Variants in NID2 observed in about 807,000 individuals in gnomAD.
NID2 encodes nidogen 2.
A neutral mutation model predicts 145.4 loss-of-function variants in NID2; 83 were observed. The ratio of observed to expected loss-of-function variants is 0.57; its 90% confidence interval spans 0.48 to 0.69. NID2 has a LOEUF of 0.69. Ranked by LOEUF, NID2 falls within the 30% of genes least tolerant of loss-of-function variation. The pLI is 0.00. For missense variants in NID2, 1,807 were observed against 1,765.7 expected (o/e 1.02, Z -0.42); for synonymous variants, 739 against 701.3 (o/e 1.05, Z -0.85).
rs745695416 is a variant in NID2 at position 52,005,733 on chromosome 14, T to C, written c.4117+4A>G. 52 of 1,608,010 alleles carry C rather than the reference T, an allele frequency of 3.2e-5. No homozygotes were observed. The highest frequency in any genetic ancestry group is 4.3e-5 in the Non-Finnish European group (50 of 1,174,560). On this transcript the variant is annotated splice_donor_region_variant and intron_variant, in intron 21 of 21. Coordinates refer to ENST00000216286, the MANE Select transcript of NID2 (RefSeq NM_007361.4). ...AAAGGAGCATCCTAAAGCATACTTT[T>C]TACCTGTTGGGCAGTAGGGGTAGAC...
At chr14:52,013,903 A>C (rs6572807) in intron 16 of NID2, among the ~76,000 whole-genome samples, 1 of 152,078 alleles carries the variant, frequency 6.6e-6, no homozygotes, top group African/African-American at 2.4e-5. Context: ...CCTTGTGACT[A>C]GTTGTCCTGT....
rs891155058 is a variant in NID2, at chr14:52,046,851, T to C, written c.1430-3920A>G. Among the ~76,000 whole-genome samples the C allele has an allele frequency of 3.3e-5, 5 of 152,320 alleles. 1 individual carries two copies. The South Asian group carries it at 1.0e-3, about 32-fold the overall frequency. Reference sequence around the variant, plus strand: ...CTGAGCCAAGAACACACACTGTCTCTTTCAGCTTCATAACAGCCACATGAA... The same window carrying C: ...CTGAGCCAAGAACACACACTGTCTCCTTCAGCTTCATAACAGCCACATGAA... On this transcript the variant is annotated intron_variant, in intron 5 of 21. Transcript: ENST00000216286.
At chr14:52,028,614 A>G (rs1183390416) in intron 11 of NID2, 108 bp downstream of exon 11, 3 of 1,256,710 alleles carry the variant, frequency 2.4e-6, no homozygotes, top group Non-Finnish European at 3.3e-6. Context: ...TCTTAAGAAA[A>G]CCATATAGCA....
Position 52,054,174 on chromosome 14 carries a change from G to A in NID2, c.915C>T (p.Ala305=), listed in dbSNP as rs192601800. 17 of 1,614,084 alleles carry A rather than the reference G, an allele frequency of 1.1e-5. No homozygotes were observed. Among genetic ancestry groups the A allele is most frequent in the Middle Eastern group, 1.6e-4 (1 of 6,062 alleles). ...PLGRSFSHAT[A]LESDYNEDNL... is the part of the protein sequence containing the mutation. ...TGTCCTCATTATAGTCACTTTCCAGGGCTGTAGCATGGCTGAAGGAACGTC... is the reference window on the plus strand; with the variant it reads ...TGTCCTCATTATAGTCACTTTCCAGAGCTGTAGCATGGCTGAAGGAACGTC... The change falls in exon 4 of 22, where the codon GCC becomes GCT. Residue 305 remains alanine, a synonymous_variant. Transcript: ENST00000216286.
At chr14:52,035,617 G>T (rs755552441) in intron 9 of NID2, among the ~76,000 whole-genome samples, 3 of 151,924 alleles carry the variant, frequency 2.0e-5, no homozygotes, top group Non-Finnish European at 2.9e-5. Context: ...GGGATTACAG[G>T]TGTAAGCCAC....
chr14:52,039,894 A>G (rs1172921771), intron 8 of NID2, among the ~76,000 whole-genome samples: 1 of 152,128 alleles, frequency 6.6e-6, no homozygotes, highest in Non-Finnish European at 1.5e-5. Context: ...TTATCTTTTG[A>G]CTCCAAATCT....
chr14:52,067,410 C>T (rs1893256404), intron 2 of NID2, among the ~76,000 whole-genome samples: 1 of 152,130 alleles, frequency 6.6e-6, no homozygotes, highest in South Asian at 2.1e-4. Context: ...GAAGAAAAAA[C>T]TCTGAAAATG....
rs572458841 is a variant in NID2, at chr14:52,018,355, G to A, written c.3028+706C>T. ...AAAGAAACAAGTTTTACCTATCCCTGAATAATTCAACAAGGAACAGAAAGT... is the reference window on the plus strand; with the variant it reads ...AAAGAAACAAGTTTTACCTATCCCTAAATAATTCAACAAGGAACAGAAAGT... On this transcript the variant is annotated intron_variant, in intron 14 of 21. Transcript: ENST00000216286. Among the ~76,000 whole-genome samples, 27 of 152,264 alleles carry A rather than the reference G, an allele frequency of 1.8e-4. 1 individual carries two copies. Among genetic ancestry groups the A allele is most frequent in the African/African-American group, 6.5e-4 (27 of 41,532 alleles).
At position 52,020,333 on chromosome 14, in the gene NID2, C is replaced by T. The variant is rs369939496; in HGVS notation, c.2675-155G>A. 3 of 1,265,238 alleles carry T rather than the reference C, an allele frequency of 2.4e-6. No homozygotes were observed. The Admixed American group carries it at 8.6e-5, about 36-fold the overall frequency. 78.4% of individuals were successfully genotyped at this position (1,265,238 alleles called of 1,614,324 possible). On this transcript the variant is annotated intron_variant, in intron 12 of 21. Coordinates refer to ENST00000216286, the MANE Select transcript of NID2 (RefSeq NM_007361.4). ...AGCATGAGCAGAAAAATGCTGACAC[C>T]TAAAGGTAAGCTTAATAGAAAGGAA...
At position 52,015,116 on chromosome 14, in the gene NID2, CACCAG is replaced by C; in HGVS notation, c.3183_3187del (p.Cys1061TrpfsTer72). The stretch of plus-strand genomic sequence containing the variant: ...CACCTCTCTGCCATCTTTGTCCACA[CACCAG>C]CAGAAGTCGCTCTTTCCGTGGCACT... On this transcript the variant is annotated frameshift_variant, in exon 15 of 22. Transcript: ENST00000216286. LOFTEE classifies it high-confidence loss of function. 1 of 1,614,158 alleles carries C rather than the reference CACCAG, an allele frequency of 6.2e-7. No individual in the cohort carries two copies. Among genetic ancestry groups the C allele is most frequent in the Non-Finnish European group, 8.5e-7 (1 of 1,180,014 alleles).
At chr14:52,049,317 G>C (rs928706255) in intron 5 of NID2, among the ~76,000 whole-genome samples, 1 of 152,062 alleles carries the variant, frequency 6.6e-6, no homozygotes, top group Non-Finnish European at 1.5e-5. Context: ...CTAGGAGTTC[G>C]TAACAAAAAT....
intron 2 of NID2, among the ~76,000 whole-genome samples, chr14:52,065,290 A>G (rs914781505): frequency 3.9e-5 from 6 of 152,146 alleles, no homozygotes; most frequent in African/African-American, 1.4e-4. Context: ...TAAGAACGCC[A>G]TGTAGAACTC....
rs747032333 is a variant in NID2, at chr14:52,015,112, C to T, written c.3192G>A (p.Val1064=). The change falls in exon 15 of 22, where the codon GTG becomes GTA. Residue 1064 remains valine (V), a synonymous_variant. Transcript: ENST00000216286. ...CCTGCACCTCTCTGCCATCTTTGTC[C>T]ACACACCAGCAGAAGTCGCTCTTTC... The part of the protein sequence containing the change: ...CHGKSDFCWC[V]DKDGREVQGT... 2.5e-6 allele frequency: 4 copies of T among 1,614,156 alleles called. No individual in the cohort carries two copies. The Admixed American group carries it at 6.7e-5, about 27-fold the overall frequency.
At chr14:52,020,244 G>A (rs1891355022) in intron 12 of NID2, 66 bp from the exon 13 acceptor site, 10 of 1,597,596 alleles carry the variant, frequency 6.3e-6, no homozygotes, top group South Asian at 5.6e-5. Flanking sequence ...CAATCTGTGC[G>A]ACTGCATGGG....
chr14:52,017,692 G>A lies in NID2; in HGVS notation c.3028+1369C>T, dbSNP rs140233783. ...AGACATTTTCAAAGAGAAGGCATGA[G>A]GGAAATAGAATTTCTCTGTACCTTT... On this transcript the variant is annotated intron_variant, in intron 14 of 21. Coordinates refer to ENST00000216286, the MANE Select transcript of NID2 (RefSeq NM_007361.4). Among the ~76,000 whole-genome samples, 10 of 152,208 alleles carry A rather than the reference G, an allele frequency of 6.6e-5. No individual in the cohort carries two copies. In the East Asian group the frequency reaches 1.9e-3, roughly 29 times the overall value.
rs770544418 is a variant in NID2, at chr14:52,005,471, T to TTTACA, written c.*10_*14dup. Reference sequence around the variant, plus strand: ...TCTGATTGTAAACTCCAAGTCTTCCTTTACATTACTGTACTTACTTTCTTC... The same window carrying TTTACA: ...TCTGATTGTAAACTCCAAGTCTTCCTTTACATTACATTACTGTACTTACTTTCTTC... On this transcript the variant is annotated 3_prime_UTR_variant, in exon 22 of 22. Transcript: ENST00000216286. The TTTACA allele has an allele frequency of 1.4e-5, 22 of 1,587,230 alleles. No individual in the cohort carries two copies. Among genetic ancestry groups the TTTACA allele is most frequent in the Non-Finnish European group, 1.9e-5 (22 of 1,169,524 alleles).
intron 13 of NID2, 105 bp downstream of exon 13, chr14:52,019,954 C>A (rs1891341965): frequency 5.5e-6 from 8 of 1,461,216 alleles, no homozygotes; most frequent in Admixed American, 2.2e-5. Context: ...TTGGAAAATC[C>A]ACCAAGGCTC....
At chr14:52,034,228 T>TA (rs1302796794) in intron 9 of NID2, among the ~76,000 whole-genome samples, 1 of 152,194 alleles carries the variant, frequency 6.6e-6, no homozygotes, top group African/African-American at 2.4e-5. Context: ...TCATTTGGTA[T>TA]GTCTCTAGGA....
intron 11 of NID2, among the ~76,000 whole-genome samples, chr14:52,027,666 A>G (rs1010608813): frequency 1.7e-4 from 25 of 146,238 alleles, no homozygotes; most frequent in African/African-American, 6.0e-4. Context: ...ACACACACAC[A>G]CGCAGTTTCT....
Sources: gnomAD v4.1 joint callset for allele counts (sites outside exome capture counted in the v4.1 genomes callset) on GRCh38, gnomAD v4.1.1 for gene constraint, MANE v1.5 for transcripts, NCBI Gene and HGNC (gene_info 2026-07-23, HGNC 2026-07-21) for gene names.